The following KLHL32 variants were observed in gnomAD, a reference collection of about 807,000 sequenced individuals.
KLHL32 encodes the protein kelch-like protein 32.
Under a neutral mutation model 64.8 loss-of-function variants are expected in KLHL32, and 35 were observed. The ratio of observed to expected loss-of-function variants is 0.54; its 90% CI spans 0.41 to 0.72. KLHL32 has a LOEUF of 0.72. KLHL32 is among the 30% of genes least tolerant of loss of function. The pLI, the probability that KLHL32 is intolerant of heterozygous loss-of-function variation, is 0.00. For missense variants in KLHL32, 589 were observed against 768.5 expected (o/e 0.77, Z 2.76); for synonymous variants, 259 against 281.0 (o/e 0.92, Z 0.78).
the KLHL32 span, among the ~76,000 whole-genome samples, chr6:96,910,949 A>C: frequency 6.6e-6 from 1 of 152,254 alleles, no homozygotes; most frequent in Non-Finnish European, 1.5e-5. Context: ...ATATATCATA[A>C]ATTCTATGTG....
At chr6:97,090,046 T>C (rs1794008531) in intron 6 of KLHL32, among the ~76,000 whole-genome samples, 1 of 152,134 alleles carries the variant, frequency 6.6e-6, no homozygotes, top group Non-Finnish European at 1.5e-5. Flanking sequence ...TGTCACCTGA[T>C]TTGGGGCTGG....
chr6:96,999,017 T>C (rs1778715001), intron 3 of KLHL32, among the ~76,000 whole-genome samples: 1 of 152,106 alleles, frequency 6.6e-6, no homozygotes, highest in Non-Finnish European at 1.5e-5. Context: ...ATGAAGATCC[T>C]AAGAAGAAAA....
chr6:96,949,363 AT>A (rs1255782532), intron 1 of KLHL32, among the ~76,000 whole-genome samples: 1 of 152,098 alleles, frequency 6.6e-6, no homozygotes, highest in African/African-American at 2.4e-5. Flanking sequence ...TCTTTTTGCC[AT>A]CCTTCACATT....
chr6:96,904,899 C>T, the KLHL32 span, among the ~76,000 whole-genome samples: 4 of 152,078 alleles, frequency 2.6e-5, no homozygotes, highest in Non-Finnish European at 1.5e-5. Flanking sequence ...CATCATTTAT[C>T]AGTTTGCTTT....
At chr6:97,026,619 G>A (rs754289058) in intron 3 of KLHL32, among the ~76,000 whole-genome samples, 1 of 152,134 alleles carries the variant, frequency 6.6e-6, no homozygotes, top group Non-Finnish European at 1.5e-5. Flanking sequence ...ATGCAAGATC[G>A]AAGGGAGGGT....
At chr6:97,015,751 T>C (rs1781077642) in intron 3 of KLHL32, among the ~76,000 whole-genome samples, 1 of 151,974 alleles carries the variant, frequency 6.6e-6, no homozygotes, top group Non-Finnish European at 1.5e-5. Context: ...ATGGGGAAAA[T>C]GTCCCCAGGG....
chr6:97,060,384 G>A (rs1788678286), intron 4 of KLHL32, among the ~76,000 whole-genome samples: 1 of 152,174 alleles, frequency 6.6e-6, no homozygotes, highest in Admixed American at 6.5e-5. Context: ...GATCCAGGAG[G>A]ATGAGCTGAA....
chr6:96,991,187 T>C (rs532469189), intron 3 of KLHL32, among the ~76,000 whole-genome samples: 1 of 151,820 alleles, frequency 6.6e-6, no homozygotes, highest in Non-Finnish European at 1.5e-5. Flanking sequence ...GCAGGACCAG[T>C]GCACTGGCGG....
intron 10 of KLHL32, among the ~76,000 whole-genome samples, chr6:97,137,727 G>C (rs934398450): frequency 6.6e-6 from 1 of 152,030 alleles, no homozygotes; most frequent in African/African-American, 2.4e-5. Context: ...GTAGAGACAG[G>C]GTTTCACCAT....
chr6:96,957,688 G>C (rs1313072567), intron 1 of KLHL32, among the ~76,000 whole-genome samples: 1 of 152,084 alleles, frequency 6.6e-6, no homozygotes, highest in Non-Finnish European at 1.5e-5. Flanking sequence ...GAGTGATGGA[G>C]CTAAAAATTA....
chr6:97,125,377 C>T (rs1424158438), intron 7 of KLHL32, among the ~76,000 whole-genome samples: 2 of 152,060 alleles, frequency 1.3e-5, no homozygotes, highest in East Asian at 3.9e-4. Context: ...ATGGTGGTGA[C>T]CTATTCAAAG....
intron 4 of KLHL32, among the ~76,000 whole-genome samples, chr6:97,047,360 C>G (rs548109377): frequency 6.6e-4 from 101 of 152,158 alleles, no homozygotes; most frequent in Non-Finnish European, 1.2e-3. Flanking sequence ...TGTCCTTGCA[C>G]AGCCATGCAT....
At chr6:96,939,424 CA>C (rs1029303472) in intron 1 of KLHL32, among the ~76,000 whole-genome samples, 1 of 152,124 alleles carries the variant, frequency 6.6e-6, no homozygotes, top group Non-Finnish European at 1.5e-5. Flanking sequence ...CACGATCTCA[CA>C]ATTAAGAGTG....
At chr6:97,120,995 G>T (rs1370498649) in intron 7 of KLHL32, among the ~76,000 whole-genome samples, 2 of 152,178 alleles carry the variant, frequency 1.3e-5, no homozygotes, top group African/African-American at 2.4e-5. Flanking sequence ...TACAATGCTT[G>T]TTAGAGAGCT....
chr6:97,080,641 T>C (rs1301698487), intron 5 of KLHL32, among the ~76,000 whole-genome samples: 1 of 152,152 alleles, frequency 6.6e-6, no homozygotes, highest in South Asian at 2.1e-4. Flanking sequence ...AAAGATGATA[T>C]GGTTTCTTCA....
chr6:97,040,301 T>G (rs1319294598), intron 3 of KLHL32, among the ~76,000 whole-genome samples: 1 of 151,700 alleles, frequency 6.6e-6, no homozygotes, highest in African/African-American at 2.4e-5. Context: ...CAAATTAGCA[T>G]GGGGTTGTAT....
chr6:97,005,171 T>C (rs980971257), intron 3 of KLHL32, among the ~76,000 whole-genome samples: 1 of 152,164 alleles, frequency 6.6e-6, no homozygotes, highest in East Asian at 1.9e-4. Context: ...TCATTTTGTC[T>C]GTTCAGGATT....
At chr6:97,076,916 T>A (rs1028413291) in intron 5 of KLHL32, among the ~76,000 whole-genome samples, 24 of 152,088 alleles carry the variant, frequency 1.6e-4, no homozygotes, top group Non-Finnish European at 4.4e-5. Context: ...AAAATCTATG[T>A]TTTTGCCATA....
intron 2 of KLHL32, among the ~76,000 whole-genome samples, chr6:96,967,553 A>T (rs1774603332): frequency 6.6e-6 from 1 of 151,898 alleles, no homozygotes; most frequent in African/African-American, 2.4e-5. Context: ...CACTTTGGGG[A>T]GTACAATGCT....
Sources: allele counts gnomAD v4.1 joint callset (sites outside exome capture counted in the v4.1 genomes callset), GRCh38; gene constraint gnomAD v4.1.1; transcripts MANE v1.5; gene names NCBI Gene and HGNC (gene_info 2026-07-23, HGNC 2026-07-21).